The following GPC3 variants were observed in gnomAD, a reference collection of about 807,000 sequenced individuals.
GPC3 encodes glypican-3.
In GPC3, 3 loss-of-function variants were observed where a neutral mutation model predicts 34.4. That is an observed-to-expected ratio of 0.09 (90% CI 0.04 to 0.23). The LOEUF is 0.23. Among genes scored for constraint, GPC3 ranks in the 10% least tolerant of loss-of-function variants. GPC3 has a pLI of 1.00. For missense variants in GPC3, 351 were observed against 445.6 expected (o/e 0.79, Z 1.91); for synonymous variants, 177 against 174.0 (o/e 1.02, Z -0.13).
chrX:133,917,950 G>A (rs866725943), intron 2 of GPC3, among the ~76,000 whole-genome samples: 10 of 111,886 alleles, frequency 8.9e-5, no homozygotes, highest in African/African-American at 2.9e-4. Flanking sequence ...GCATACTTAA[G>A]CAAAGTTTTC....
chrX:133,568,773 T>A (rs868406134), intron 7 of GPC3, among the ~76,000 whole-genome samples: 2 of 110,498 alleles, frequency 1.8e-5, no homozygotes, highest in Middle Eastern at 4.7e-3. Context: ...GCAAAAGTAT[T>A]CTAGATAGAA....
At chrX:133,981,414 A>T (rs2076538472) in intron 1 of GPC3, among the ~76,000 whole-genome samples, 1 of 112,050 alleles carries the variant, frequency 8.9e-6, no homozygotes, top group African/African-American at 3.2e-5. Flanking sequence ...ACCAATCATC[A>T]GCCATGTCCT....
At position 133,952,870 on chromosome X, in the gene GPC3, T is replaced by C. The variant is rs912785165; in HGVS notation, c.337+180A>G. On this transcript the variant is annotated intron_variant, in intron 2 of 7. Transcript: ENST00000370818. The stretch of plus-strand genomic sequence containing the variant: ...TTGACAATACTCACCTTTCCAAAGA[T>C]TGAAATGAAGCTTCTCTGAAAATGT... 4.7e-4 allele frequency among the ~76,000 whole-genome samples: 53 copies of C among 112,697 alleles called. 1 individual carries two copies. Among genetic ancestry groups the C allele is most frequent in the African/African-American group, 1.6e-3 (50 of 31,049 alleles).
intron 2 of GPC3, among the ~76,000 whole-genome samples, chrX:133,951,093 T>TGA (rs1556358709): frequency 1.9e-3 from 190 of 100,101 alleles, no homozygotes; most frequent in African/African-American, 4.3e-3. Flanking sequence ...TGTGTGTGTG[T>TGA]GAAGTGAAAG....
At chrX:133,894,705 C>T (rs1170389186) in intron 2 of GPC3, among the ~76,000 whole-genome samples, 8 of 111,399 alleles carry the variant, frequency 7.2e-5, no homozygotes, top group African/African-American at 1.3e-4. Flanking sequence ...CCGGGCATCG[C>T]GGTGCGTGCC....
At chrX:133,877,090 C>G (rs1019551819) in intron 2 of GPC3, among the ~76,000 whole-genome samples, 12 of 111,661 alleles carry the variant, frequency 1.1e-4, no homozygotes, top group Admixed American at 1.9e-4. Context: ...GCTATTATTT[C>G]TCAGTTAAAC....
At position 133,692,413 on chromosome X, in the gene GPC3, C is replaced by T. The variant is rs201677091; in HGVS notation, c.1248G>A (p.Ala416=). ...CATTCCAGCAAAGGGTGTCGTTTTCCGCCACAGGGCTATGGCTGCAGATGT... is the reference window on the plus strand; with the variant it reads ...CATTCCAGCAAAGGGTGTCGTTTTCTGCCACAGGGCTATGGCTGCAGATGT... The part of the protein sequence containing the change: ...PGYICSHSPV[A]ENDTLCWNGQ... Residue 416 remains alanine (A), a synonymous_variant, in exon 5 of 8, where the codon GCG becomes GCA. Coordinates refer to ENST00000370818, the MANE Select transcript of GPC3 (RefSeq NM_004484.4). 20 of 1,208,367 alleles carry T rather than the reference C, an allele frequency of 1.7e-5. No homozygotes were observed. The highest frequency in any genetic ancestry group is 8.7e-5 in the African/African-American group (5 of 57,538).
intron 2 of GPC3, among the ~76,000 whole-genome samples, chrX:133,799,911 A>C (rs1031745374): frequency 1.8e-5 from 2 of 112,132 alleles, no homozygotes; most frequent in African/African-American, 3.2e-5. Context: ...GTCTAGAAGG[A>C]TAAGCTCTAC....
intron 2 of GPC3, among the ~76,000 whole-genome samples, chrX:133,923,530 C>T (rs2076261450): frequency 8.9e-6 from 1 of 112,016 alleles, no homozygotes; most frequent in African/African-American, 3.3e-5. Flanking sequence ...CCCTTCTAGC[C>T]TTCCATAAAT....
intron 3 of GPC3, among the ~76,000 whole-genome samples, chrX:133,726,541 T>G (rs1388779386): frequency 9.0e-6 from 1 of 111,015 alleles, no homozygotes; most frequent in Non-Finnish European, 1.9e-5. Context: ...CCCTAATTAT[T>G]CACTTCCGTA....
chrX:133,824,180 C>G (rs762184359), intron 2 of GPC3, among the ~76,000 whole-genome samples: 1 of 110,510 alleles, frequency 9.0e-6, no homozygotes, highest in Non-Finnish European at 1.9e-5. Flanking sequence ...AAGGAAAAAA[C>G]AGAAAACAGA....
chrX:133,550,924 A>G (rs1238151379), intron 7 of GPC3, among the ~76,000 whole-genome samples: 1 of 112,359 alleles, frequency 8.9e-6, no homozygotes, highest in Admixed American at 9.4e-5. Context: ...GATGGAATCC[A>G]CAAAGATTAT....
chrX:133,966,769 T>C (rs892403849), intron 1 of GPC3, among the ~76,000 whole-genome samples: 1 of 112,622 alleles, frequency 8.9e-6, no homozygotes, highest in Admixed American at 9.4e-5. Context: ...TAACGTGCTC[T>C]AGTGCTGTGG....
intron 7 of GPC3, among the ~76,000 whole-genome samples, chrX:133,581,829 T>G (rs2069734561): frequency 8.9e-6 from 1 of 112,662 alleles, no homozygotes; most frequent in African/African-American, 3.2e-5. Context: ...GAGCAACTTC[T>G]TTACTGAATT....
At chrX:133,693,480 C>T (rs2071085869) in intron 4 of GPC3, among the ~76,000 whole-genome samples, 1 of 111,742 alleles carries the variant, frequency 8.9e-6, no homozygotes, top group African/African-American at 3.3e-5. Flanking sequence ...AAAATTAAAG[C>T]ATCCTTCACA....
rs1047087348 is a variant in GPC3 at position 133,770,120 on chromosome X, T to C, written c.338-15944A>G. Among the ~76,000 whole-genome samples the C allele has an allele frequency of 2.7e-5, 3 of 111,436 alleles. No individual in the cohort carries two copies. The Admixed American group carries it at 2.8e-4, about 11-fold the overall frequency. On this transcript the variant is annotated intron_variant, in intron 2 of 7. Transcript: ENST00000370818. ...AGTGAGACTCTGTCTCTACAAAACA[T>C]CAAAAAATTAGCCAGGGTTGGTGGC...
intron 6 of GPC3, among the ~76,000 whole-genome samples, chrX:133,613,787 CT>C (rs1312455954): frequency 4.5e-5 from 5 of 111,780 alleles, no homozygotes; most frequent in Non-Finnish European, 7.5e-5. Context: ...AGACATTGGA[CT>C]TATTAGACAA....
At chrX:133,758,114 G>A (rs1282913741) in intron 2 of GPC3, among the ~76,000 whole-genome samples, 2 of 111,913 alleles carry the variant, frequency 1.8e-5, no homozygotes, top group Non-Finnish European at 3.8e-5. Flanking sequence ...ATGTAAATAA[G>A]TTCAACCATT....
chrX:133,818,898 T>A (rs2075705270), intron 2 of GPC3, among the ~76,000 whole-genome samples: 1 of 110,487 alleles, frequency 9.1e-6, no homozygotes, highest in Non-Finnish European at 1.9e-5. Flanking sequence ...CCATGTTATG[T>A]TTATCATAAC....
Sources: gnomAD v4.1 joint callset for allele counts (sites outside exome capture counted in the v4.1 genomes callset) on GRCh38, gnomAD v4.1.1 for gene constraint, MANE v1.5 for transcripts, NCBI Gene and HGNC (gene_info 2026-07-23, HGNC 2026-07-21) for gene names.